PAK5: variants seen among roughly 807,000 people sequenced by gnomAD.
The protein encoded by PAK5 is p21 (RAC1) activated kinase 5.
A neutral mutation model predicts 65.9 loss-of-function variants in PAK5; 16 were observed. The ratio of observed to expected loss-of-function variants is 0.24; its 90% CI spans 0.16 to 0.37. PAK5 has a LOEUF of 0.37. Ranked by LOEUF, PAK5 falls within the 10% of genes least tolerant of loss-of-function variation. PAK5 has a pLI of 1.00. For missense variants in PAK5, 785 were observed against 903.9 expected, an observed-to-expected ratio of 0.87 and a Z score of 1.69; for synonymous variants, 371 against 354.9, an observed-to-expected ratio of 1.05 and a Z score of -0.51.
At chr20:9,803,569 G>A (rs1320135412) in intron 1 of PAK5, among the ~76,000 whole-genome samples, 1 of 152,146 alleles carries the variant, frequency 6.6e-6, no homozygotes, top group African/African-American at 2.4e-5. Context: ...ACAAACCTTT[G>A]AAATAAATGT....
chr20:9,832,656 T>C (rs927041612), intron 1 of PAK5, among the ~76,000 whole-genome samples: 2 of 152,228 alleles, frequency 1.3e-5, no homozygotes, highest in Non-Finnish European at 2.9e-5. Context: ...AAAGAGATTG[T>C]CCTTCTCACT....
intron 1 of PAK5, among the ~76,000 whole-genome samples, chr20:9,806,132 T>TTTTATTTA (rs34085540): frequency 0.033 from 4,833 of 146,080 alleles, 245 homozygotes; most frequent in African/African-American, 0.11. Context: ...GCCCAGCTAA[T>TTTTATTTA]TTTATTTATT....
intron 1 of PAK5, among the ~76,000 whole-genome samples, chr20:9,799,929 A>G (rs1569093081): frequency 1.7e-5 from 2 of 119,366 alleles, no homozygotes; most frequent in Non-Finnish European, 1.6e-5. Flanking sequence ...ATAGAGTGAG[A>G]CTCTGTCTCC....
intron 4 of PAK5, among the ~76,000 whole-genome samples, chr20:9,568,897 C>T (rs1227640704): frequency 2.0e-5 from 3 of 152,134 alleles, no homozygotes; most frequent in South Asian, 4.1e-4. Context: ...CTGAGGACTC[C>T]TGCTAAGAGC....
intron 1 of PAK5, among the ~76,000 whole-genome samples, chr20:9,828,442 A>T (rs1978449451): frequency 1.3e-5 from 2 of 152,198 alleles, no homozygotes; most frequent in Non-Finnish European, 1.5e-5. Context: ...CTCCTCCGTC[A>T]GTGTTTTTAT....
chr20:9,685,695 C>A (rs1233348771), intron 2 of PAK5, among the ~76,000 whole-genome samples: 1 of 152,158 alleles, frequency 6.6e-6, no homozygotes, highest in Non-Finnish European at 1.5e-5. Flanking sequence ...AAAACTAATA[C>A]AAAGGGGATA....
intron 1 of PAK5, among the ~76,000 whole-genome samples, chr20:9,824,893 G>A (rs939511748): frequency 3.3e-5 from 5 of 151,994 alleles, no homozygotes; most frequent in African/African-American, 1.2e-4. Context: ...CCTCCTCATG[G>A]TACATGCCAC....
At chr20:9,828,015 T>C (rs1270232782) in intron 1 of PAK5, among the ~76,000 whole-genome samples, 12 of 152,138 alleles carry the variant, frequency 7.9e-5, no homozygotes, top group African/African-American at 2.7e-4. Flanking sequence ...TTTGTATTTT[T>C]AGTAGAGACA....
In PAK5 at chr20:9,618,250, AC is replaced by A. The variant is rs1202367821; in HGVS notation, c.204+25874del. On this transcript the variant is annotated intron_variant, in intron 3 of 9. Coordinates refer to ENST00000353224, the MANE Select transcript of PAK5 (RefSeq NM_177990.4). ...ACTACATAACTCCAAAGAGTCAGGTACCCCCCCAAGTTTTAACCCCTCTAAA... is the reference window on the plus strand; with the variant it reads ...ACTACATAACTCCAAAGAGTCAGGTACCCCCCAAGTTTTAACCCCTCTAAA... Among the ~76,000 whole-genome samples, 25 of 151,922 alleles carry A rather than the reference AC, an allele frequency of 1.6e-4. No homozygotes were observed. In the East Asian group the frequency reaches 4.8e-3, roughly 29 times the overall value.
At chr20:9,577,404 C>T (rs2045904584) in intron 4 of PAK5, 1 of 151,952 alleles carries the variant, frequency 6.6e-6, no homozygotes, top group Non-Finnish European at 1.5e-5. Flanking sequence ...TGTGTACACA[C>T]ACACATGTGT....
intron 1 of PAK5, among the ~76,000 whole-genome samples, chr20:9,835,305 A>G (rs1267449738): frequency 6.6e-6 from 1 of 152,238 alleles, no homozygotes; most frequent in African/African-American, 2.4e-5. Context: ...TAAAAGTGAA[A>G]GGATGATGAG....
chr20:9,655,942 G>A (rs990607407), intron 2 of PAK5, among the ~76,000 whole-genome samples: 7 of 151,972 alleles, frequency 4.6e-5, no homozygotes, highest in African/African-American at 1.7e-4. Flanking sequence ...ATTAGATCAG[G>A]GGCCAAACTA....
chr20:9,819,159 G>A lies in PAK5; in HGVS notation c.-162+19603C>T, dbSNP rs142963520. On this transcript the variant is annotated intron_variant, in intron 1 of 9. Transcript: ENST00000353224. ...TAACTCACTATAAGTTCATTTCCCT[G>A]AGAAATGTTTAGGATGCAATTTTAT... 1.3e-3 allele frequency among the ~76,000 whole-genome samples: 200 copies of A among 152,270 alleles called. 1 individual carries two copies. The highest frequency in any genetic ancestry group is 4.6e-3 in the African/African-American group (191 of 41,546).
At chr20:9,779,961 A>G (rs777779174) in intron 1 of PAK5, among the ~76,000 whole-genome samples, 3 of 152,218 alleles carry the variant, frequency 2.0e-5, no homozygotes, top group Non-Finnish European at 2.9e-5. Flanking sequence ...CACGTATCCT[A>G]TAGTAAAATG....
intron 2 of PAK5, among the ~76,000 whole-genome samples, chr20:9,690,229 G>C (rs1203276780): frequency 6.6e-6 from 1 of 152,158 alleles, no homozygotes; most frequent in Non-Finnish European, 1.5e-5. Context: ...GGCTGACAGC[G>C]ACACACCATC....
At chr20:9,762,197 T>C (rs1419351983) in intron 1 of PAK5, among the ~76,000 whole-genome samples, 2 of 152,154 alleles carry the variant, frequency 1.3e-5, no homozygotes, top group African/African-American at 2.4e-5. Context: ...TTGACATTGG[T>C]CTTGGCAGTA....
chr20:9,807,791 A>ATAATAT (rs1555929887), intron 1 of PAK5, among the ~76,000 whole-genome samples: 32 of 150,480 alleles, frequency 2.1e-4, no homozygotes, highest in African/African-American at 7.8e-4. Context: ...AATAATAATA[A>ATAATAT]ATCCAGTGCA....
chr20:9,835,328 G>C (rs1392543021), intron 1 of PAK5, among the ~76,000 whole-genome samples: 1 of 152,220 alleles, frequency 6.6e-6, no homozygotes, highest in East Asian at 1.9e-4. Context: ...AGTTGGGTCG[G>C]TGGGGAAGAG....
intron 4 of PAK5, among the ~76,000 whole-genome samples, chr20:9,579,595 A>G (rs1169206845): frequency 6.6e-6 from 1 of 152,248 alleles, no homozygotes; most frequent in Non-Finnish European, 1.5e-5. Context: ...CCCAAATTTC[A>G]TATAAAAACC....
Sources: allele counts gnomAD v4.1 joint callset (sites outside exome capture counted in the v4.1 genomes callset), GRCh38; gene constraint gnomAD v4.1.1; transcripts MANE v1.5; gene names NCBI Gene and HGNC (gene_info 2026-07-23, HGNC 2026-07-21).